Variants in FLG2 observed in about 807,000 individuals in gnomAD.
The protein encoded by FLG2 is filaggrin-2.
Under a neutral mutation model 3.9 loss-of-function variants are expected in FLG2, and 7 were observed. That is an observed-to-expected ratio of 1.79 (90% CI 1.02 to 3.36). The LOEUF (loss-of-function observed/expected upper bound fraction) is 3.36. Ranked by LOEUF, FLG2 falls within the 30% of genes most tolerant of loss-of-function variation. The pLI is 0.00. For synonymous variants in FLG2, 1,031 were observed against 1,056.1 expected (o/e 0.98, Z 0.46); for missense variants, 2,700 against 2,809.4 (o/e 0.96, Z 0.88).
chr1:152,352,313 T>C lies in FLG2; in HGVS notation c.5473A>G (p.Thr1825Ala). Residue 1825 changes from threonine to alanine, a missense_variant, in exon 3 of 3, where the codon ACT (threonine) becomes GCT (alanine). Thr to Ala is a moderately conservative substitution (Grantham distance 58). Transcript: ENST00000388718. ...TGTTGAGATCCAGCCTGGCCGTGAGTGTGTCCTCGTGAGTGTGGTCTTTGT... is the reference window on the plus strand; with the variant it reads ...TGTTGAGATCCAGCCTGGCCGTGAGCGTGTCCTCGTGAGTGTGGTCTTTGT... Reference protein sequence around the residue: ...FSQRPHSRGHTHGQAGSQHGE... With the variant: ...FSQRPHSRGHAHGQAGSQHGE... The C allele has an allele frequency of 1.2e-6, 2 of 1,613,182 alleles. No individual in the cohort carries two copies. Among genetic ancestry groups the C allele is most frequent in the Non-Finnish European group, 1.7e-6 (2 of 1,179,750 alleles).
chr1:152,357,148 A>G lies in FLG2; in HGVS notation c.638T>C (p.Ile213Thr). 6.2e-7 allele frequency: 1 copy of G among 1,614,088 alleles called. No homozygotes were observed. Among genetic ancestry groups the G allele is most frequent in the Non-Finnish European group, 8.5e-7 (1 of 1,180,012 alleles). ...CTCCCCAGATTCCCTAGAAGGGCTA[A>G]TGTGTGACTTGTTTATTCTTTCTCT... ...ELRERINKSHISPSRESGEEY... is the reference protein window; with the variant it reads ...ELRERINKSHTSPSRESGEEY... Residue 213 changes from isoleucine (I) to threonine (T), a missense_variant, in exon 3 of 3, where the codon ATT (isoleucine) becomes ACT (threonine). By Grantham distance (89) the Ile-to-Thr change is moderately conservative. Coordinates refer to ENST00000388718, the MANE Select transcript of FLG2 (RefSeq NM_001014342.3).
chr1:152,354,328 T>C lies in FLG2; in HGVS notation c.3458A>G (p.Tyr1153Cys). 1 of 1,614,180 alleles carries C rather than the reference T, an allele frequency of 6.2e-7. No homozygotes were observed. Residue 1153 changes from tyrosine to cysteine, a missense_variant, in exon 3 of 3, where the codon TAT (tyrosine) becomes TGT (cysteine). Tyr to Cys is a radical substitution (Grantham distance 194, BLOSUM62 -2). Transcript: ENST00000388718. ...ACTGGAGCCAGTACCATGTTGGCCA[T>C]AGCTAGACTGACCTGATCTGTACTC... ...QHEYRSGQSS[Y>C]GQHGTGSSQS...
At position 152,356,084 on chromosome 1, in the gene FLG2, C is replaced by T. The variant is rs1490722696; in HGVS notation, c.1702G>A (p.Gly568Arg). 5 of 1,613,808 alleles carry T rather than the reference C, an allele frequency of 3.1e-6. No homozygotes were observed. Among genetic ancestry groups the T allele is most frequent in the Non-Finnish European group, 4.2e-6 (5 of 1,180,022 alleles). ...QYGSRETSGFGQHGLGSGQST... is the reference protein window; with the variant it reads ...QYGSRETSGFRQHGLGSGQST... ...TGACCTGAGCCCAACCCATGTTGTCCAAAGCCAGATGTCTCTCTAGACCCA... is the reference window on the plus strand; with the variant it reads ...TGACCTGAGCCCAACCCATGTTGTCTAAAGCCAGATGTCTCTCTAGACCCA... Residue 568 changes from glycine (G) to arginine (R), a missense_variant, in exon 3 of 3, where the codon GGA becomes AGA. Coordinates refer to ENST00000388718, the MANE Select transcript of FLG2 (RefSeq NM_001014342.3).
rs1361026413 is a variant in FLG2, at chr1:152,356,392, C to T, written c.1394G>A (p.Gly465Asp). The T allele has an allele frequency of 6.8e-6, 11 of 1,614,024 alleles. No individual in the cohort carries two copies. The African/African-American group carries it at 1.5e-4, about 22-fold the overall frequency. ...QHESTSSQSL[G>D]YDQHGSSSGK... Reference sequence around the variant, plus strand: ...TGAGCTAGACCCATGCTGGTCATAGCCCAAGGATTGACTTGATGTAGACTC... The same window carrying T: ...TGAGCTAGACCCATGCTGGTCATAGTCCAAGGATTGACTTGATGTAGACTC... Residue 465 changes from glycine (G) to aspartate (D), a missense_variant, in exon 3 of 3, where the codon GGC (glycine) becomes GAC (aspartate). Physicochemically the swap from Gly to Asp is moderately conservative, Grantham distance 94 (BLOSUM62 -1). Coordinates refer to ENST00000388718, the MANE Select transcript of FLG2 (RefSeq NM_001014342.3).
chr1:152,357,763 A>G (rs867254021), intron 2 of FLG2, 116 bp from the exon 3 acceptor site: 2 of 730,730 alleles, frequency 2.7e-6, no homozygotes, highest in Middle Eastern at 5.7e-4. Context: ...GTTTTAGTCC[A>G]ATAAAGGATT....
In FLG2 at chr1:152,355,469, G is replaced by A. The variant is rs768288293; in HGVS notation, c.2317C>T (p.His773Tyr). The A allele has an allele frequency of 6.2e-7, 1 of 1,612,830 alleles. No homozygotes were observed. The highest frequency in any genetic ancestry group is 8.5e-7 in the Non-Finnish European group (1 of 1,179,830). Residue 773 changes from histidine to tyrosine, a missense_variant, in exon 3 of 3, where the codon CAC becomes TAC. By Grantham distance (83) the His-to-Tyr change is moderately conservative. Transcript: ENST00000388718. ...GATGACTGACTTGAGCCAGAACTGTGTTGGCCATAGCTAGACTGACCTGAT... is the reference window on the plus strand; with the variant it reads ...GATGACTGACTTGAGCCAGAACTGTATTGGCCATAGCTAGACTGACCTGAT... ...SRSGQSSYGQ[H>Y]SSGSSQSSGY... is the part of the protein sequence containing the mutation.
chr1:152,354,573 T>C lies in FLG2; in HGVS notation c.3213A>G (p.Ser1071=). 6.2e-7 allele frequency: 1 copy of C among 1,613,860 alleles called. No individual in the cohort carries two copies. Among genetic ancestry groups the C allele is most frequent in the Non-Finnish European group, 8.5e-7 (1 of 1,179,942 alleles). ...CATGTTGGCCATAGCTAGACTGACG[T>C]GATCTAGACTCATATTGTCCAAAAC... The part of the protein sequence containing the change: ...SSGFGQYESR[S]RQSSYGQHGS... Residue 1071 remains serine, a synonymous_variant, in exon 3 of 3, where the codon TCA becomes TCG. Coordinates refer to ENST00000388718, the MANE Select transcript of FLG2 (RefSeq NM_001014342.3).
intron 2 of FLG2, 73 bp from the exon 3 acceptor site, chr1:152,357,720 C>A: frequency 9.3e-7 from 1 of 1,076,402 alleles, no homozygotes; most frequent in Non-Finnish European, 1.4e-6. Context: ...ATTTAAATAG[C>A]GCTGTGAAAT....
In FLG2 at chr1:152,355,866, A is replaced by T; in HGVS notation, c.1920T>A (p.Ser640=). ...AGCCTGACCCATGTTGTCCAAAGCCAGATGTCTGTCTAGACCCATGTTGGC... is the reference window on the plus strand; with the variant it reads ...AGCCTGACCCATGTTGTCCAAAGCCTGATGTCTGTCTAGACCCATGTTGGC... ...GYGQHGSRQT[S]GFGQHGSGSS... Residue 640 remains serine (S), a synonymous_variant, in exon 3 of 3, where the codon TCT becomes TCA. Transcript: ENST00000388718. 1 of 1,612,406 alleles carries T rather than the reference A, an allele frequency of 6.2e-7. No individual in the cohort carries two copies. The highest frequency in any genetic ancestry group is 8.5e-7 in the Non-Finnish European group (1 of 1,179,674).
Position 152,350,699 on chromosome 1 carries a change from G to A in FLG2, c.7087C>T (p.Pro2363Ser). Residue 2363 changes from proline (P) to serine (S), a missense_variant, in exon 3 of 3, where the codon CCT becomes TCT. Physicochemically the swap from Pro to Ser is moderately conservative, Grantham distance 74. Coordinates refer to ENST00000388718, the MANE Select transcript of FLG2 (RefSeq NM_001014342.3). ...EYDYGHTGYG[P>S]SGGSRKSISN... ...ATGCTTTTTCTGCTGCCACCAGAAGGCCCATACCCAGTGTGCCCATAGTCA... is the reference window on the plus strand; with the variant it reads ...ATGCTTTTTCTGCTGCCACCAGAAGACCCATACCCAGTGTGCCCATAGTCA... 1 of 1,614,154 alleles carries A rather than the reference G, an allele frequency of 6.2e-7. No homozygotes were observed. Among genetic ancestry groups the A allele is most frequent in the African/African-American group, 1.3e-5 (1 of 75,040 alleles).
At position 152,350,386 on chromosome 1, in the gene FLG2, G is replaced by T. The variant is rs1653860593; in HGVS notation, c.*224C>A. On this transcript the variant is annotated 3_prime_UTR_variant, in exon 3 of 3. Transcript: ENST00000388718. ...GCTATGTGTACATCCCTCCCTTCTG[G>T]CTGTGTTATATCCAGGTTGAACATA... 5.0e-6 allele frequency: 3 copies of T among 594,900 alleles called. No individual in the cohort carries two copies. In the Admixed American group the frequency reaches 9.8e-5, roughly 19 times the overall value. 36.9% of individuals were successfully genotyped at this position (594,900 alleles called of 1,614,324 possible).
intron 2 of FLG2, among the ~76,000 whole-genome samples, chr1:152,358,310 C>T (rs1006811610): frequency 7.2e-5 from 11 of 152,094 alleles, no homozygotes; most frequent in African/African-American, 2.2e-4. Context: ...CATGAGCCAC[C>T]GCGCCTAGCT....
intron 2 of FLG2, among the ~76,000 whole-genome samples, chr1:152,358,022 A>G (rs1654313212): frequency 6.9e-6 from 1 of 144,992 alleles, no homozygotes; most frequent in Non-Finnish European, 1.5e-5. Flanking sequence ...TTAATAACTG[A>G]GTCTTTTTTT....
Position 152,353,733 on chromosome 1 carries a change from AGTGGCATCACT to A in FLG2, c.4042_4052del (p.Ser1348Ter). ...AGACCCCTGAGTGCACTTCACTGTC[AGTGGCATCACT>A]GTGGCTAAATCTCTGTCTTCCAGAT... On this transcript the variant is annotated frameshift_variant, in exon 3 of 3. Coordinates refer to ENST00000388718, the MANE Select transcript of FLG2 (RefSeq NM_001014342.3). LOFTEE classifies it low-confidence loss of function (END_TRUNC). 3 of 1,614,136 alleles carry A rather than the reference AGTGGCATCACT, an allele frequency of 1.9e-6. No homozygotes were observed. The highest frequency in any genetic ancestry group is 2.5e-6 in the Non-Finnish European group (3 of 1,180,024).
Position 152,355,946 on chromosome 1 carries a change from C to A in FLG2, c.1840G>T (p.Gly614Cys). 1 of 1,606,280 alleles carries A rather than the reference C, an allele frequency of 6.2e-7. No homozygotes were observed. Among genetic ancestry groups the A allele is most frequent in the East Asian group, 2.3e-5 (1 of 44,416 alleles). Reference protein sequence around the residue: ...SGFGQHESRSGQSSYGQHSSG... With the variant: ...SGFGQHESRSCQSSYGQHSSG... ...CTGTGTTGGCCATAACTAGACTGACCTGATCTAGACTCATGTTGTCCAAAG... is the reference window on the plus strand; with the variant it reads ...CTGTGTTGGCCATAACTAGACTGACATGATCTAGACTCATGTTGTCCAAAG... Residue 614 changes from glycine to cysteine, a missense_variant, in exon 3 of 3, where the codon GGT (glycine) becomes TGT (cysteine). Coordinates refer to ENST00000388718, the MANE Select transcript of FLG2 (RefSeq NM_001014342.3).
In FLG2 at chr1:152,353,564, G is replaced by A. The variant is rs1425700657; in HGVS notation, c.4222C>T (p.Gln1408Ter). Residue 1408 changes from glutamine (Q) to a stop codon, truncating the protein, a stop_gained, in exon 3 of 3, where the codon CAG becomes TAG. Transcript: ENST00000388718. LOFTEE classifies it low-confidence loss of function (END_TRUNC). ...GTCCTGGACCCTCTCTGTGTGGACT[G>A]TCCATGACCAGAGTGGCCATGTCCA... ...ATGHGHSGHG[Q>*]STQRGSRTTG... is the part of the protein sequence containing the mutation. The A allele has an allele frequency of 6.2e-7, 1 of 1,613,384 alleles. No individual in the cohort carries two copies. The highest frequency in any genetic ancestry group is 1.1e-5 in the South Asian group (1 of 91,032).
intron 2 of FLG2, among the ~76,000 whole-genome samples, chr1:152,358,183 G>A (rs1484266212): frequency 4.6e-5 from 7 of 151,920 alleles, no homozygotes; most frequent in Admixed American, 1.3e-4. Flanking sequence ...AACCACGCCC[G>A]GCTAATTTTT....
At position 152,351,443 on chromosome 1, in the gene FLG2, A is replaced by T. The variant is rs1653916751; in HGVS notation, c.6343T>A (p.Ser2115Thr). The T allele has an allele frequency of 6.2e-7, 1 of 1,612,420 alleles. No homozygotes were observed. Among genetic ancestry groups the T allele is most frequent in the Non-Finnish European group, 8.5e-7 (1 of 1,179,646 alleles). ...HSESSDSEVH[S>T]GVSHTHSGHT... ...CCTGAATGTGTGTGTGAGACCCCTG[A>T]GTGCACTTCACTGTCACTGGACTCA... Residue 2115 changes from serine to threonine, a missense_variant, in exon 3 of 3, where the codon TCA becomes ACA. Transcript: ENST00000388718.
chr1:152,353,233 G>A lies in FLG2; in HGVS notation c.4553C>T (p.Ser1518Leu), dbSNP rs1240132689. The A allele has an allele frequency of 1.3e-6, 2 of 1,559,260 alleles. No homozygotes were observed. Among genetic ancestry groups the A allele is most frequent in the South Asian group, 2.3e-5 (2 of 85,596 alleles). ...TCCACTTTGGCCGTGAGTGTGTCCT[G>A]AATGTGTGTGCGAGCCCCCTGAGTG... Reference protein sequence around the residue: ...EVHSGGSHTHSGHTHGQSGSQ... With the variant: ...EVHSGGSHTHLGHTHGQSGSQ... Residue 1518 changes from serine to leucine, a missense_variant, in exon 3 of 3, where the codon TCA becomes TTA. Ser to Leu is a moderately radical substitution (Grantham distance 145, BLOSUM62 -2). Coordinates refer to ENST00000388718, the MANE Select transcript of FLG2 (RefSeq NM_001014342.3).
Sources: allele counts gnomAD v4.1 joint callset (sites outside exome capture counted in the v4.1 genomes callset), GRCh38; gene constraint gnomAD v4.1.1; transcripts MANE v1.5; gene names NCBI Gene and HGNC (gene_info 2026-07-23, HGNC 2026-07-21).